ADCY2: variants seen among roughly 807,000 people sequenced by gnomAD.
ADCY2 encodes adenylate cyclase type 2.
Under a neutral mutation model 125.2 loss-of-function variants are expected in ADCY2, and 31 were observed. The ratio of observed to expected loss-of-function variants is 0.25; its 90% CI spans 0.19 to 0.33. The LOEUF (loss-of-function observed/expected upper bound fraction) is 0.33. Among genes scored for constraint, ADCY2 ranks in the 10% least tolerant of loss-of-function variants. The pLI, the probability that ADCY2 is intolerant of heterozygous loss-of-function variation, is 1.00. For missense variants in ADCY2, 904 were observed against 1,418.2 expected (o/e 0.64, Z 5.82); for synonymous variants, 512 against 548.4 (o/e 0.93, Z 0.93).
intron 4 of ADCY2, among the ~76,000 whole-genome samples, chr5:7,644,169 T>C (rs1738809731): frequency 6.6e-6 from 1 of 152,158 alleles, no homozygotes; most frequent in African/African-American, 2.4e-5. Flanking sequence ...TTCTTTTTTG[T>C]CTTTCCTCAA....
intron 4 of ADCY2, among the ~76,000 whole-genome samples, chr5:7,674,714 A>G (rs1440137964): frequency 6.6e-6 from 1 of 152,164 alleles, no homozygotes; most frequent in African/African-American, 2.4e-5. Flanking sequence ...GGGGAGGGTT[A>G]AAAGTCAAGC....
At chr5:7,490,844 G>A (rs546509470) in intron 2 of ADCY2, among the ~76,000 whole-genome samples, 9 of 152,280 alleles carry the variant, frequency 5.9e-5, no homozygotes, top group African/African-American at 1.9e-4. Context: ...CATTAAAAAT[G>A]TTATAAATCA....
chr5:7,565,877 A>G (rs1579579331), intron 3 of ADCY2, among the ~76,000 whole-genome samples: 1 of 152,308 alleles, frequency 6.6e-6, no homozygotes, highest in African/African-American at 2.4e-5. Context: ...TTTCCCAAAT[A>G]AATGTATTTG....
intron 2 of ADCY2, among the ~76,000 whole-genome samples, chr5:7,445,447 T>G (rs1402905583): frequency 1.3e-5 from 2 of 152,244 alleles, no homozygotes; most frequent in Non-Finnish European, 2.9e-5. Context: ...GGAAATTATA[T>G]GTTTAATATC....
intron 3 of ADCY2, among the ~76,000 whole-genome samples, chr5:7,624,866 G>T (rs1738070983): frequency 6.6e-6 from 1 of 152,152 alleles, no homozygotes; most frequent in Non-Finnish European, 1.5e-5. Flanking sequence ...GGGAATACAA[G>T]TCATGTGGAA....
At chr5:7,523,845 C>T (rs1247728364) in intron 3 of ADCY2, among the ~76,000 whole-genome samples, 1 of 152,100 alleles carries the variant, frequency 6.6e-6, no homozygotes, top group Non-Finnish European at 1.5e-5. Context: ...AAGAGGTTGC[C>T]CGCAAACTAT....
At chr5:7,598,104 C>T (rs541538262) in intron 3 of ADCY2, among the ~76,000 whole-genome samples, 8 of 152,308 alleles carry the variant, frequency 5.3e-5, no homozygotes, top group African/African-American at 1.9e-4. Flanking sequence ...TGGTGGAGTG[C>T]ATGAGAGAGG....
chr5:7,702,886 C>T (rs1008254839), intron 7 of ADCY2, among the ~76,000 whole-genome samples: 2 of 152,166 alleles, frequency 1.3e-5, no homozygotes, highest in Non-Finnish European at 2.9e-5. Context: ...CTCTCCAGCA[C>T]CTGTTGTTTT....
chr5:7,487,431 A>G (rs971014873), intron 2 of ADCY2, among the ~76,000 whole-genome samples: 1 of 152,156 alleles, frequency 6.6e-6, no homozygotes, highest in African/African-American at 2.4e-5. Context: ...TAAACAGATA[A>G]CCTATGTCTT....
intron 2 of ADCY2, among the ~76,000 whole-genome samples, chr5:7,507,895 C>T (rs1247142490): frequency 6.6e-6 from 1 of 152,016 alleles, no homozygotes; most frequent in African/African-American, 2.4e-5. Context: ...CTACTTAACC[C>T]CTCAGTACCT....
chr5:7,804,486 G>T, intron 21 of ADCY2, 99 bp from the exon 22 acceptor site: 1 of 927,658 alleles, frequency 1.1e-6, no homozygotes, highest in Non-Finnish European at 1.8e-6. Context: ...AACAAGTCAC[G>T]GCATTACTGT....
intron 2 of ADCY2, among the ~76,000 whole-genome samples, chr5:7,452,136 C>T (rs1025015651): frequency 6.6e-6 from 1 of 152,154 alleles, no homozygotes; most frequent in Non-Finnish European, 1.5e-5. Flanking sequence ...TGGTCTCGAA[C>T]TCCTGACCTC....
intron 18 of ADCY2, among the ~76,000 whole-genome samples, chr5:7,781,241 T>G (rs1743914761): frequency 6.6e-6 from 1 of 152,190 alleles, no homozygotes; most frequent in Admixed American, 6.5e-5. Context: ...CAACTAGCTG[T>G]GCAGCTCATA....
chr5:7,551,151 C>A (rs79645631), intron 3 of ADCY2, among the ~76,000 whole-genome samples: 3,970 of 151,856 alleles, frequency 0.026, 191 homozygotes, highest in African/African-American at 0.091. Context: ...GTCATAATTG[C>A]TTTTAATGAA....
At chr5:7,585,571 T>G (rs1187533563) in intron 3 of ADCY2, among the ~76,000 whole-genome samples, 1 of 152,222 alleles carries the variant, frequency 6.6e-6, no homozygotes, top group Non-Finnish European at 1.5e-5. Context: ...ATAGTTACTG[T>G]GTTTCATAGC....
chr5:7,609,884 T>C (rs1737512433), intron 3 of ADCY2, among the ~76,000 whole-genome samples: 3 of 151,454 alleles, frequency 2.0e-5, no homozygotes, highest in Admixed American at 2.0e-4. Context: ...GCAGAAGGAG[T>C]TCCACACAGG....
In ADCY2 at chr5:7,706,770, A is replaced by G; in HGVS notation, c.1136A>G (p.Asp379Gly). 6.2e-7 allele frequency: 1 copy of G among 1,614,230 alleles called. No homozygotes were observed. Among genetic ancestry groups the G allele is most frequent in the Non-Finnish European group, 8.5e-7 (1 of 1,180,036 alleles). The change falls in exon 8 of 25, where the codon GAT becomes GGT. Residue 379 changes from aspartate (D) to glycine (G), a missense_variant. Physicochemically the swap from Asp to Gly is moderately conservative, Grantham distance 94. Transcript: ENST00000338316. Reference protein sequence around the residue: ...IKKVRDATGVDINMRVGVHSG... With the variant: ...IKKVRDATGVGINMRVGVHSG... ...AAAGTGAGGGATGCTACTGGAGTTG[A>G]TATCAACATGCGCGTGGGCGTGCAT...
chr5:7,560,243 GGAAAGAGACTGGATGCCAGTTGCCTC>G (rs1561094667), intron 3 of ADCY2, among the ~76,000 whole-genome samples: 1 of 152,200 alleles, frequency 6.6e-6, no homozygotes, highest in Non-Finnish European at 1.5e-5. Context: ...GTGAATGTGT[GGAAAGAGACTGGATGCCAGTTGCCTC>G]TCTGGAGAGA....
At chr5:7,543,252 G>C (rs144199659) in intron 3 of ADCY2, among the ~76,000 whole-genome samples, 1 of 151,804 alleles carries the variant, frequency 6.6e-6, no homozygotes, top group African/African-American at 2.4e-5. Flanking sequence ...ATATTCAAAG[G>C]CATCATTAAA....
Sources: gnomAD v4.1 joint callset for allele counts (sites outside exome capture counted in the v4.1 genomes callset) on GRCh38, gnomAD v4.1.1 for gene constraint, MANE v1.5 for transcripts, NCBI Gene and HGNC (gene_info 2026-07-23, HGNC 2026-07-21) for gene names.